The following MDN1 variants were observed in gnomAD, a reference collection of about 807,000 sequenced individuals.
MDN1 encodes midasin AAA ATPase 1, also known as midasin.
MDN1 carries 266 observed loss-of-function variants against 669.2 expected under a neutral mutation model. The ratio of observed to expected loss-of-function variants is 0.40; its 90% CI spans 0.36 to 0.44. The LOEUF (loss-of-function observed/expected upper bound fraction) is 0.44, where lower values mean the gene tolerates loss of function less well. Among genes scored for constraint, MDN1 ranks in the 20% least tolerant of loss-of-function variants. The pLI, the probability that MDN1 is intolerant of heterozygous loss-of-function variation, is 1.00. For missense variants in MDN1, 5,940 were observed against 6,754.0 expected, an observed-to-expected ratio of 0.88 and a Z score of 4.22; for synonymous variants, 2,385 against 2,457.1, an observed-to-expected ratio of 0.97 and a Z score of 0.87.
intron 5 of MDN1, among the ~76,000 whole-genome samples, chr6:89,792,538 G>A (rs929128942): frequency 2.6e-5 from 4 of 152,030 alleles, no homozygotes; most frequent in Non-Finnish European, 5.9e-5. Context: ...GGAAGGGGAC[G>A]GGTCTTCACA....
intron 1 of MDN1, among the ~76,000 whole-genome samples, chr6:89,812,055 C>T (rs1374371411): frequency 2.6e-5 from 4 of 151,500 alleles, no homozygotes; most frequent in South Asian, 2.1e-4. Context: ...GCCCTGATCT[C>T]GGTTCATGCA....
chr6:89,741,577 A>G (rs1219871771), intron 31 of MDN1, among the ~76,000 whole-genome samples: 1 of 152,026 alleles, frequency 6.6e-6, no homozygotes. Flanking sequence ...AACCTTCCCA[A>G]TTGCTCCTAT....
intron 1 of MDN1, among the ~76,000 whole-genome samples, chr6:89,817,032 A>ACT (rs1171191574): frequency 2.6e-5 from 4 of 151,858 alleles, no homozygotes; most frequent in Non-Finnish European, 5.9e-5. Context: ...ATTTAAATGA[A>ACT]CTCTCACCCA....
At chr6:89,675,156 A>G (rs1284229636) in intron 78 of MDN1, among the ~76,000 whole-genome samples, 1 of 152,218 alleles carries the variant, frequency 6.6e-6, no homozygotes, top group East Asian at 1.9e-4. Context: ...ACTTTTGGCA[A>G]TGTATATCCT....
intron 32 of MDN1, among the ~76,000 whole-genome samples, chr6:89,738,700 T>G (rs927920613): frequency 1.3e-5 from 2 of 152,206 alleles, no homozygotes; most frequent in Non-Finnish European, 2.9e-5. Context: ...ACAGACTAAG[T>G]GGTGGAAGCA....
intron 37 of MDN1, among the ~76,000 whole-genome samples, chr6:89,725,930 TACACACACACACACACACACACAC>T (rs71024397): frequency 1.4e-5 from 2 of 147,478 alleles, no homozygotes; most frequent in African/African-American, 2.5e-5. Flanking sequence ...TGGTATTTTA[TACACACACACACACACACACACAC>T]ACACACACAC....
chr6:89,753,964 T>C (rs1206974711), intron 21 of MDN1, 119 bp downstream of exon 21: 17 of 989,254 alleles, frequency 1.7e-5, no homozygotes, highest in Admixed American at 2.8e-5. Context: ...GTAAGAGGTA[T>C]TATGGGCTGA....
Position 89,684,977 on chromosome 6 carries a change from A to G in MDN1, c.11728T>C (p.Cys3910Arg). ...TGGTACAAATTCCATAGAACACTGC[A>G]AAGTGAATCTGGAAGAAATGAAAAG... ...MPQVEGKDSL[C>R]SVLWNLYHYY... Residue 3910 changes from cysteine (C) to arginine (R), a missense_variant, in exon 71 of 102, where the codon TGC becomes CGC. By Grantham distance (180) the Cys-to-Arg change is radical. Transcript: ENST00000369393. 1.9e-6 allele frequency: 3 copies of G among 1,608,082 alleles called. No homozygotes were observed. The highest frequency in any genetic ancestry group is 2.6e-6 in the Non-Finnish European group (3 of 1,175,216).
At chr6:89,761,846 G>T in intron 16 of MDN1, 98 bp from the exon 17 acceptor site, 1 of 884,892 alleles carries the variant, frequency 1.1e-6, no homozygotes, top group Non-Finnish European at 1.7e-6. Flanking sequence ...CAAAAATTAA[G>T]CATCTTACAC....
At chr6:89,749,831 C>A in intron 24 of MDN1, 80 bp from the exon 25 acceptor site, 1 of 1,123,184 alleles carries the variant, frequency 8.9e-7, no homozygotes, top group South Asian at 1.4e-5. Context: ...ATCAACAAAT[C>A]CTAGGTTATC....
At chr6:89,685,030 G>T (rs756805891) in intron 70 of MDN1, 45 bp from the exon 71 acceptor site, 3 of 1,296,516 alleles carry the variant, frequency 2.3e-6, no homozygotes, top group Non-Finnish European at 3.3e-6. Flanking sequence ...CTTGCTGCAT[G>T]TGCTACTGGT....
intron 45 of MDN1, among the ~76,000 whole-genome samples, chr6:89,715,397 G>T (rs1814284387): frequency 6.6e-6 from 1 of 152,132 alleles, no homozygotes; most frequent in Non-Finnish European, 1.5e-5. Context: ...ATCATGACTG[G>T]TATCTCTGCT....
Position 89,716,658 on chromosome 6 carries a change from G to A in MDN1, c.6735C>T (p.Asn2245=). ...AGGCATAAGGTTCTTACTTGCAGAA[G>A]TTAACATTGTCCATCAGAAGCCAGT... is the stretch of plus-strand genomic sequence containing the variant. The part of the protein sequence containing the change: ...SGDWLLMDNV[N]FCNPSVLDRL... The change falls in exon 44 of 102, where the codon AAC becomes AAT. Residue 2245 remains asparagine (N), a synonymous_variant. Coordinates refer to ENST00000369393, the MANE Select transcript of MDN1 (RefSeq NM_014611.3). 6.2e-7 allele frequency: 1 copy of A among 1,611,312 alleles called. No homozygotes were observed. Among genetic ancestry groups the A allele is most frequent in the Non-Finnish European group, 8.5e-7 (1 of 1,179,168 alleles).
At chr6:89,816,750 C>T (rs1422688680) in intron 1 of MDN1, among the ~76,000 whole-genome samples, 1 of 148,978 alleles carries the variant, frequency 6.7e-6, no homozygotes, top group Non-Finnish European at 1.5e-5. Context: ...TCTCAGCTCA[C>T]TGCAAGTTCC....
Position 89,692,655 on chromosome 6 carries a change from A to G in MDN1, c.10375T>C (p.Leu3459=), listed in dbSNP as rs1812453694. The change falls in exon 63 of 102, where the codon TTG becomes CTG. Residue 3459 remains leucine (L), a synonymous_variant. Transcript: ENST00000369393. ...ACCTCCTCAGACTTCACCGAGCACA[A>G]AGTGTCTGCATGAGCATAGTAAGTC... The part of the protein sequence containing the change: ...FPTYYAHADT[L]CSVKSEEVLR... 1 of 1,614,186 alleles carries G rather than the reference A, an allele frequency of 6.2e-7. No individual in the cohort carries two copies. The highest frequency in any genetic ancestry group is 8.5e-7 in the Non-Finnish European group (1 of 1,180,022).
intron 88 of MDN1, among the ~76,000 whole-genome samples, chr6:89,661,199 G>A (rs1192432446): frequency 6.6e-6 from 1 of 152,176 alleles, no homozygotes; most frequent in Non-Finnish European, 1.5e-5. Context: ...TGCCAAAAGC[G>A]AGAATAGGAC....
intron 60 of MDN1, 33 bp downstream of exon 60, chr6:89,696,327 A>C: frequency 6.2e-7 from 1 of 1,602,208 alleles, no homozygotes; most frequent in East Asian, 2.2e-5. Flanking sequence ...AAAGACAGGA[A>C]CTTTACAGTC....
chr6:89,673,832 T>C (rs1195965236), intron 79 of MDN1, among the ~76,000 whole-genome samples: 1 of 152,210 alleles, frequency 6.6e-6, no homozygotes, highest in Non-Finnish European at 1.5e-5. Context: ...CCACCACAAA[T>C]GGCAGGATGT....
In MDN1 at chr6:89,701,634, C is replaced by G; in HGVS notation, c.8351G>C (p.Cys2784Ser). The G allele has an allele frequency of 6.2e-7, 1 of 1,614,112 alleles. No individual in the cohort carries two copies. Among genetic ancestry groups the G allele is most frequent in the Non-Finnish European group, 8.5e-7 (1 of 1,179,996 alleles). The change falls in exon 55 of 102, where the codon TGT becomes TCT. Residue 2784 changes from cysteine (C) to serine (S), a missense_variant. Around this residue, in one of 5 missense-constraint regions of MDN1, gnomAD observed 2,292 missense variants for 2,638.3 expected, o/e 0.87. Coordinates refer to ENST00000369393, the MANE Select transcript of MDN1 (RefSeq NM_014611.3). Reference sequence around the variant, plus strand: ...GAAGCCACCAGTCTGGCTCCCCAGACAATTCTGAATATGTTCTGAGACAGT... The same window carrying G: ...GAAGCCACCAGTCTGGCTCCCCAGAGAATTCTGAATATGTTCTGAGACAGT... ...VQTVSEHIQNCLGSQTGGFAG... is the reference protein window; with the variant it reads ...VQTVSEHIQNSLGSQTGGFAG...
Sources: allele counts gnomAD v4.1 joint callset (sites outside exome capture counted in the v4.1 genomes callset), GRCh38; gene constraint gnomAD v4.1.1; regional missense constraint gnomAD v4.1.1; transcripts MANE v1.5; gene names NCBI Gene and HGNC (gene_info 2026-07-23, HGNC 2026-07-21).